The following LINGO2 variants were observed in gnomAD, a reference collection of about 807,000 sequenced individuals.
LINGO2 encodes leucine-rich repeat and immunoglobulin-like domain-containing nogo receptor-interacting protein 2.
In LINGO2, 14 loss-of-function variants were observed where a neutral mutation model predicts 30.6. The observed-to-expected ratio is 0.46, with a 90% CI of 0.30 to 0.72. The LOEUF is 0.72. Ranked by LOEUF, LINGO2 falls within the 30% of genes least tolerant of loss-of-function variation. The pLI, the probability that LINGO2 is intolerant of heterozygous loss-of-function variation, is 0.07. For missense variants in LINGO2, 729 were observed against 751.7 expected (o/e 0.97, Z 0.35); for synonymous variants, 317 against 288.5 (o/e 1.10, Z -1.00).
At chr9:28,588,954 T>C (rs769932555) in intron 1 of LINGO2, among the ~76,000 whole-genome samples, 3 of 152,000 alleles carry the variant, frequency 2.0e-5, no homozygotes, top group Non-Finnish European at 4.4e-5. Context: ...AAGAGGCAGT[T>C]TGGGCTGCCA....
At chr9:28,028,952 G>T (rs371780847) in intron 4 of LINGO2, among the ~76,000 whole-genome samples, 36 of 152,202 alleles carry the variant, frequency 2.4e-4, no homozygotes, top group African/African-American at 8.7e-4. Flanking sequence ...AGGCCCCAAG[G>T]CAACCATCAA....
At chr9:28,155,221 A>T (rs1828100058) in intron 4 of LINGO2, among the ~76,000 whole-genome samples, 1 of 152,224 alleles carries the variant, frequency 6.6e-6, no homozygotes, top group Non-Finnish European at 1.5e-5. Context: ...GACTTCCAGC[A>T]AATTCAACAA....
chr9:28,103,512 G>A lies in LINGO2; in HGVS notation c.-86-91107C>T, dbSNP rs1192522332. On this transcript the variant is annotated intron_variant, in intron 4 of 5. Transcript: ENST00000379992. Reference sequence around the variant, plus strand: ...AGCCCAGGTTAGCTTGCTGGAAGATGAAAGACACATGGCCTACTTGCCCTC... The same window carrying A: ...AGCCCAGGTTAGCTTGCTGGAAGATAAAAGACACATGGCCTACTTGCCCTC... Among the ~76,000 whole-genome samples the A allele has an allele frequency of 2.0e-5, 3 of 152,086 alleles. No individual in the cohort carries two copies. The East Asian group carries it at 5.8e-4, about 29-fold the overall frequency.
the LINGO2 span, among the ~76,000 whole-genome samples, chr9:29,082,572 T>G: frequency 0.2 from 29,947 of 151,828 alleles, 3,080 homozygotes; most frequent in African/African-American, 0.24. Context: ...AAAGCCAAAA[T>G]TGAAAAATGG....
intron 5 of LINGO2, among the ~76,000 whole-genome samples, chr9:27,994,190 A>G (rs1821540747): frequency 6.6e-6 from 1 of 152,090 alleles, no homozygotes; most frequent in South Asian, 2.1e-4. Flanking sequence ...TGACCACATC[A>G]AAAAAGTAAA....
chr9:28,307,563 T>C (rs1824420750), intron 3 of LINGO2, among the ~76,000 whole-genome samples: 1 of 152,118 alleles, frequency 6.6e-6, no homozygotes. Flanking sequence ...CAACACAGTG[T>C]TGGAAGTTCT....
chr9:28,761,816 T>C, the LINGO2 span, among the ~76,000 whole-genome samples: 117 of 152,136 alleles, frequency 7.7e-4, 1 homozygote, highest in Non-Finnish European at 1.4e-3. Flanking sequence ...GAACTCTGTG[T>C]GACAAATGGT....
At chr9:28,515,334 G>A (rs1209168975) in intron 1 of LINGO2, among the ~76,000 whole-genome samples, 1 of 151,446 alleles carries the variant, frequency 6.6e-6, no homozygotes, top group Non-Finnish European at 1.5e-5. Flanking sequence ...AGCCTCCTGA[G>A]TAGCTGGGAC....
the LINGO2 span, among the ~76,000 whole-genome samples, chr9:28,906,718 G>C: frequency 6.6e-6 from 1 of 151,784 alleles, no homozygotes; most frequent in Non-Finnish European, 1.5e-5. Flanking sequence ...TATTAATTTT[G>C]CTCCCCTAAC....
chr9:28,192,142 CCA>C (rs1819844238), intron 4 of LINGO2, among the ~76,000 whole-genome samples: 2 of 152,012 alleles, frequency 1.3e-5, no homozygotes, highest in Admixed American at 1.3e-4. Context: ...CAATATAGCA[CCA>C]CAGTCTTCTC....
chr9:28,528,839 T>C (rs1007324626), intron 1 of LINGO2, among the ~76,000 whole-genome samples: 47 of 152,130 alleles, frequency 3.1e-4, no homozygotes, highest in African/African-American at 1.1e-3. Flanking sequence ...TGTGTATATA[T>C]ATTCAAATAA....
At chr9:29,209,339 C>A in the LINGO2 span, among the ~76,000 whole-genome samples, 2 of 152,040 alleles carry the variant, frequency 1.3e-5, no homozygotes, top group Non-Finnish European at 2.9e-5. Context: ...AGACCCAAAC[C>A]CACCTTCTAG....
chr9:28,597,732 G>A (rs1825256995), intron 1 of LINGO2, among the ~76,000 whole-genome samples: 1 of 152,062 alleles, frequency 6.6e-6, no homozygotes, highest in Non-Finnish European at 1.5e-5. Flanking sequence ...TATTTTGTAT[G>A]TATGTCTGTA....
intron 2 of LINGO2, among the ~76,000 whole-genome samples, chr9:28,374,206 T>TATATATATATATATATATA (rs1554713022): frequency 4.6e-5 from 5 of 109,888 alleles, no homozygotes; most frequent in East Asian, 5.9e-4. Flanking sequence ...AAATATGTTT[T>TATATATATATATATATATA]TATTTATATA....
chr9:28,040,657 C>T (rs188023781), intron 4 of LINGO2, among the ~76,000 whole-genome samples: 3 of 152,198 alleles, frequency 2.0e-5, no homozygotes, highest in East Asian at 1.9e-4. Flanking sequence ...TGTCTACTAC[C>T]TAATAGCTGC....
rs184458326 is a variant in LINGO2, at chr9:28,519,281, G to A, written c.-364-43256C>T. Among the ~76,000 whole-genome samples the A allele has an allele frequency of 1.1e-3, 174 of 151,962 alleles. 1 individual carries two copies. The highest frequency in any genetic ancestry group is 3.7e-3 in the African/African-American group (154 of 41,448). On this transcript the variant is annotated intron_variant, in intron 1 of 5. Transcript: ENST00000379992. Reference sequence around the variant, plus strand: ...AAACTCCTGGGCTCAAGTGATCCCCGGCCTCTGACTCCCAAAGTGCTGGGA... The same window carrying A: ...AAACTCCTGGGCTCAAGTGATCCCCAGCCTCTGACTCCCAAAGTGCTGGGA...
chr9:29,059,416 A>AAAAAT, the LINGO2 span, among the ~76,000 whole-genome samples: 82 of 150,248 alleles, frequency 5.5e-4, no homozygotes, highest in Non-Finnish European at 7.7e-4. Flanking sequence ...TTAAAATTAA[A>AAAAAT]AAATAAATAA....
At chr9:29,138,275 C>T in the LINGO2 span, among the ~76,000 whole-genome samples, 7 of 151,992 alleles carry the variant, frequency 4.6e-5, no homozygotes, top group African/African-American at 9.7e-5. Flanking sequence ...TTACTTTGCT[C>T]GAAAACTTTT....
chr9:28,623,623 T>C (rs1826515519), intron 1 of LINGO2, among the ~76,000 whole-genome samples: 1 of 152,074 alleles, frequency 6.6e-6, no homozygotes, highest in Admixed American at 6.6e-5. Flanking sequence ...TAAAGTTAGG[T>C]ATTGTAATTC....
Sources: allele counts gnomAD v4.1 joint callset (sites outside exome capture counted in the v4.1 genomes callset), GRCh38; gene constraint gnomAD v4.1.1; transcripts MANE v1.5; gene names NCBI Gene and HGNC (gene_info 2026-07-23, HGNC 2026-07-21).